The following TSPAN9 variants were observed in gnomAD, a reference collection of about 807,000 sequenced individuals.
TSPAN9 encodes the protein tetraspanin 9, also known as tetraspanin-9.
Under a neutral mutation model 31.0 loss-of-function variants are expected in TSPAN9, and 16 were observed. That is an observed-to-expected ratio of 0.52 (90% CI 0.35 to 0.78). The LOEUF is 0.78. Ranked by LOEUF, TSPAN9 falls within the 30% of genes least tolerant of loss-of-function variation. TSPAN9 has a pLI of 0.01. For missense variants in TSPAN9, 272 were observed against 312.5 expected (o/e 0.87, Z 0.98); for synonymous variants, 145 against 121.6 (o/e 1.19, Z -1.27).
At chr12:3,191,630 C>T (rs1440089009) in intron 2 of TSPAN9, among the ~76,000 whole-genome samples, 1 of 152,160 alleles carries the variant, frequency 6.6e-6, no homozygotes, top group Non-Finnish European at 1.5e-5. Flanking sequence ...CCTGCTGGCC[C>T]TGCCTGCCCT....
intron 3 of TSPAN9, among the ~76,000 whole-genome samples, chr12:3,264,072 C>T (rs924808957): frequency 6.6e-6 from 1 of 152,116 alleles, no homozygotes; most frequent in Non-Finnish European, 1.5e-5. Flanking sequence ...TTTAGGTCAC[C>T]CAGCAGAGCA....
At position 3,109,307 on chromosome 12, in the gene TSPAN9, A is replaced by AGTGTGT. The variant is rs1555141854; in HGVS notation, c.-18+25603_-18+25608dup. 1.8e-4 allele frequency among the ~76,000 whole-genome samples: 26 copies of AGTGTGT among 143,206 alleles called. 1 individual carries two copies. Among genetic ancestry groups the AGTGTGT allele is most frequent in the South Asian group, 6.5e-4 (3 of 4,638 alleles). 93.9% of individuals were successfully genotyped at this position (143,206 alleles called of 152,430 possible). A position where few individuals can be genotyped will look rare whatever the true frequency, so the allele number is the denominator to read the frequency against. ...GTGTGTGTGTGTGTGTGTGAGAGAG[A>AGTGTGT]GTGTGTGTGTGTGTGTGTGTTTGTG... On this transcript the variant is annotated intron_variant, in intron 2 of 8. Transcript: ENST00000011898.
intron 2 of TSPAN9, among the ~76,000 whole-genome samples, chr12:3,087,697 T>G (rs897922223): frequency 4.0e-5 from 6 of 151,814 alleles, no homozygotes; most frequent in African/African-American, 1.5e-4. Context: ...TACCAGATAC[T>G]CGGGAGGCTG....
chr12:3,141,500 C>A (rs367657927), intron 2 of TSPAN9, among the ~76,000 whole-genome samples: 1 of 152,172 alleles, frequency 6.6e-6, no homozygotes, highest in Admixed American at 6.5e-5. Context: ...CTTTCTAGGG[C>A]CAGCAGGAGT....
At chr12:3,231,101 T>C (rs1439465180) in intron 3 of TSPAN9, among the ~76,000 whole-genome samples, 1 of 152,130 alleles carries the variant, frequency 6.6e-6, no homozygotes, top group African/African-American at 2.4e-5. Flanking sequence ...AGGATTGTGG[T>C]TTTTTAAAAA....
At chr12:3,238,992 G>A (rs541617472) in intron 3 of TSPAN9, among the ~76,000 whole-genome samples, 43 of 152,322 alleles carry the variant, frequency 2.8e-4, no homozygotes, top group Non-Finnish European at 1.0e-4. Context: ...CCAGAGAGGG[G>A]TAGGTGAGTT....
At chr12:3,160,231 G>A (rs901214716) in intron 2 of TSPAN9, among the ~76,000 whole-genome samples, 12 of 152,136 alleles carry the variant, frequency 7.9e-5, no homozygotes, top group African/African-American at 2.9e-4. Flanking sequence ...AGCATACTTA[G>A]CATAAGGTTT....
chr12:3,199,371 G>GC (rs553024409), intron 2 of TSPAN9, among the ~76,000 whole-genome samples: 71 of 152,340 alleles, frequency 4.7e-4, no homozygotes, highest in African/African-American at 1.4e-3. Flanking sequence ...CTCCCCACCC[G>GC]CAAGTCTTCT....
At chr12:3,100,741 C>T (rs937683482) in intron 2 of TSPAN9, among the ~76,000 whole-genome samples, 1 of 152,220 alleles carries the variant, frequency 6.6e-6, no homozygotes, top group Non-Finnish European at 1.5e-5. Context: ...AACACTCCTA[C>T]AAGAACCCAT....
In TSPAN9 at chr12:3,283,741, TC is replaced by T. The variant is rs1279141036; in HGVS notation, c.*628del. ...ATTTCTTTAATGGTTTGACTTTTTT[TC>T]CCTGAGGGTGAGGGATGGGTGGGAA... is the stretch of plus-strand genomic sequence containing the variant. On this transcript the variant is annotated 3_prime_UTR_variant, in exon 9 of 9. Coordinates refer to ENST00000011898, the MANE Select transcript of TSPAN9 (RefSeq NM_006675.5). The T allele has an allele frequency of 2.6e-5, 4 of 152,730 alleles. No homozygotes were observed. The highest frequency in any genetic ancestry group is 9.6e-5 in the African/African-American group (4 of 41,472). 9.5% of individuals were successfully genotyped at this position (152,730 alleles called of 1,614,324 possible).
rs897430188 is a variant in TSPAN9 at position 3,215,072 on chromosome 12, T to C, written c.63+13816T>C. 5.3e-5 allele frequency among the ~76,000 whole-genome samples: 8 copies of C among 152,128 alleles called. No homozygotes were observed. In the East Asian group the frequency reaches 1.5e-3, roughly 29 times the overall value. ...CTCTTTAGGAAACAAACACATACCC[T>C]TCCCACCCCCATCCCCAAGTCTCCC... On this transcript the variant is annotated intron_variant, in intron 3 of 8. Transcript: ENST00000011898.
intron 3 of TSPAN9, among the ~76,000 whole-genome samples, chr12:3,259,650 C>A (rs1862412173): frequency 6.6e-6 from 1 of 152,200 alleles, no homozygotes; most frequent in Admixed American, 6.5e-5. Flanking sequence ...CATGTGACTA[C>A]CTAAGGAAGA....
At chr12:3,222,494 C>T (rs1396137629) in intron 3 of TSPAN9, among the ~76,000 whole-genome samples, 1 of 152,224 alleles carries the variant, frequency 6.6e-6, no homozygotes, top group East Asian at 1.9e-4. Context: ...CCCTGGCACC[C>T]CATGGCACTG....
chr12:3,186,018 C>T (rs2098361124), intron 2 of TSPAN9, among the ~76,000 whole-genome samples: 1 of 152,092 alleles, frequency 6.6e-6, no homozygotes. Context: ...ATGTAGGGTC[C>T]CATTAGAGGC....
At chr12:3,201,104 G>A in intron 2 of TSPAN9, 73 bp from the exon 3 acceptor site, 1 of 1,391,132 alleles carries the variant, frequency 7.2e-7, no homozygotes, top group Non-Finnish European at 1.0e-6. Flanking sequence ...CGTTAAGACC[G>A]ACAAGTGCAA....
At chr12:3,230,772 A>G (rs1022062375) in intron 3 of TSPAN9, among the ~76,000 whole-genome samples, 5 of 151,796 alleles carry the variant, frequency 3.3e-5, no homozygotes, top group African/African-American at 1.2e-4. Context: ...GTTCTCATCC[A>G]CATGCAGCCC....
At chr12:3,207,287 C>T (rs1276829961) in intron 3 of TSPAN9, among the ~76,000 whole-genome samples, 2 of 152,096 alleles carry the variant, frequency 1.3e-5, no homozygotes, top group South Asian at 2.1e-4. Flanking sequence ...CCTGTTTTCT[C>T]CCCCCTTTCC....
chr12:3,219,500 C>T lies in TSPAN9; in HGVS notation c.63+18244C>T, dbSNP rs375160707. 4.3e-4 allele frequency among the ~76,000 whole-genome samples: 65 copies of T among 152,306 alleles called. No homozygotes were observed. In the East Asian group the frequency reaches 0.01, roughly 24 times the overall value. ...CTTCTGTGAGGATGGAGGGAGGGCG[C>T]CTTCACCTCCTGCCTCAGGAGCCAA... On this transcript the variant is annotated intron_variant, in intron 3 of 8. Transcript: ENST00000011898.
chr12:3,180,732 G>A (rs2098358220), intron 2 of TSPAN9, among the ~76,000 whole-genome samples: 1 of 152,186 alleles, frequency 6.6e-6, no homozygotes, highest in South Asian at 2.1e-4. Context: ...CACCTAGGAA[G>A]CTTGGATGGG....
Sources: gnomAD v4.1 joint callset for allele counts (sites outside exome capture counted in the v4.1 genomes callset) on GRCh38, gnomAD v4.1.1 for gene constraint, MANE v1.5 for transcripts, NCBI Gene and HGNC (gene_info 2026-07-23, HGNC 2026-07-21) for gene names.